IRAG1: variants seen among roughly 807,000 people sequenced by gnomAD.
IRAG1 encodes IP3R-associated cGMP kinase substrate.
IRAG1 carries 62 observed loss-of-function variants against 106.2 expected under a neutral mutation model. That is an observed-to-expected ratio of 0.58 (90% CI 0.48 to 0.72). The LOEUF is 0.72. Ranked by LOEUF, IRAG1 falls within the 30% of genes least tolerant of loss-of-function variation. IRAG1 has a pLI of 0.00. For synonymous variants in IRAG1, 462 were observed against 443.9 expected, an observed-to-expected ratio of 1.04 and a Z score of -0.51; for missense variants, 1,064 against 1,140.7, an observed-to-expected ratio of 0.93 and a Z score of 0.97.
At chr11:10,590,160 G>C (rs969605380) in intron 18 of IRAG1, among the ~76,000 whole-genome samples, 1 of 152,190 alleles carries the variant, frequency 6.6e-6, no homozygotes, top group African/African-American at 2.4e-5. Flanking sequence ...GAGATTCAGA[G>C]ACCCTGGATG....
At position 10,666,990 on chromosome 11, in the gene IRAG1, G is replaced by C. The variant is rs182518242; in HGVS notation, c.68-14808C>G. 8.0e-4 allele frequency among the ~76,000 whole-genome samples: 122 copies of C among 152,266 alleles called. 1 individual carries two copies. Among genetic ancestry groups the C allele is most frequent in the African/African-American group, 2.7e-3 (114 of 41,556 alleles). On this transcript the variant is annotated intron_variant, in intron 1 of 20. Transcript: ENST00000423302. ...CCCAGGGTAGCCCCCAGGCTCCTTA[G>C]GTCGGCTCAGACACCCCTCTTTCCT...
At chr11:10,679,708 C>T (rs1860990495) in intron 1 of IRAG1, among the ~76,000 whole-genome samples, 1 of 152,216 alleles carries the variant, frequency 6.6e-6, no homozygotes, top group South Asian at 2.1e-4. Context: ...AGTAGGAATA[C>T]CACTAACCAC....
chr11:10,640,653 T>C (rs1349875987), intron 2 of IRAG1, among the ~76,000 whole-genome samples: 1 of 152,202 alleles, frequency 6.6e-6, no homozygotes, highest in East Asian at 1.9e-4. Flanking sequence ...CAGATTTTCA[T>C]GCAGTGCACA....
At chr11:10,625,439 C>G (rs1239532796) in intron 9 of IRAG1, among the ~76,000 whole-genome samples, 2 of 152,196 alleles carry the variant, frequency 1.3e-5, no homozygotes, top group African/African-American at 4.8e-5. Context: ...TGAGGGGACA[C>G]CATGGGCACT....
At chr11:10,652,508 G>T in intron 1 of IRAG1, 1 of 414,158 alleles carries the variant, frequency 2.4e-6, no homozygotes, top group Non-Finnish European at 4.1e-6. Context: ...ATTGGCAGTT[G>T]TTTACCACTT....
Position 10,575,345 on chromosome 11 carries a change from C to T in IRAG1, c.*987G>A, listed in dbSNP as rs1211039434. ...TGAAGCAGAAAGCACATCTTCTCTC[C>T]TCATTCACCTGTGAGGTGGGTTAAC... On this transcript the variant is annotated 3_prime_UTR_variant, in exon 21 of 21. Coordinates refer to ENST00000423302, the MANE Select transcript of IRAG1 (RefSeq NM_130385.4). 6.6e-6 allele frequency: 1 copy of T among 152,236 alleles called. No homozygotes were observed. Among genetic ancestry groups the T allele is most frequent in the Non-Finnish European group, 1.5e-5 (1 of 68,050 alleles). The allele number at this position is 152,236 out of a possible 1,614,324, so 9.4% of individuals were successfully genotyped here.
At chr11:10,602,974 G>T in intron 14 of IRAG1, 146 bp downstream of exon 14, 1 of 944,494 alleles carries the variant, frequency 1.1e-6, no homozygotes, top group Non-Finnish European at 1.5e-6. Flanking sequence ...AAAATACTCT[G>T]AATAATACTG....
intron 1 of IRAG1, among the ~76,000 whole-genome samples, chr11:10,662,070 G>A (rs1426223510): frequency 1.3e-5 from 2 of 152,182 alleles, no homozygotes; most frequent in African/African-American, 4.8e-5. Flanking sequence ...TGTTTATTGA[G>A]TTAATAAATG....
chr11:10,653,853 G>A (rs544002745), intron 1 of IRAG1, among the ~76,000 whole-genome samples: 1 of 152,266 alleles, frequency 6.6e-6, no homozygotes, highest in Non-Finnish European at 1.5e-5. Context: ...TATTAGTGGG[G>A]TGGGCAATAC....
At chr11:10,616,933 C>G (rs1325741476) in intron 10 of IRAG1, 2 of 623,474 alleles carry the variant, frequency 3.2e-6, no homozygotes, top group Non-Finnish European at 4.0e-6. Context: ...TGTTTCTGAC[C>G]ATGTCAGGGA....
At chr11:10,673,674 G>T (rs2135128697) in intron 1 of IRAG1, among the ~76,000 whole-genome samples, 1 of 151,762 alleles carries the variant, frequency 6.6e-6, no homozygotes, top group Middle Eastern at 3.4e-3. Flanking sequence ...TAACAAAGCT[G>T]TTTAAAATTT....
At chr11:10,601,110 G>A (rs1046074732) in intron 14 of IRAG1, 51 bp from the exon 15 acceptor site, 67 of 1,606,906 alleles carry the variant, frequency 4.2e-5, no homozygotes, top group African/African-American at 2.1e-4. Context: ...GAAAGGCTCC[G>A]TTGGCACTTA....
At chr11:10,601,561 G>T in intron 14 of IRAG1, among the ~76,000 whole-genome samples, 1 of 152,198 alleles carries the variant, frequency 6.6e-6, no homozygotes. Flanking sequence ...AATAAACCAG[G>T]GCTGTCCAGA....
intron 1 of IRAG1, among the ~76,000 whole-genome samples, chr11:10,655,178 A>T (rs541566375): frequency 6.6e-6 from 1 of 152,310 alleles, no homozygotes; most frequent in East Asian, 1.9e-4. Flanking sequence ...AGGCTGTCTT[A>T]ACAGGGGCAT....
chr11:10,684,773 A>G (rs1283264137), intron 1 of IRAG1, among the ~76,000 whole-genome samples: 1 of 152,064 alleles, frequency 6.6e-6, no homozygotes, highest in Non-Finnish European at 1.5e-5. Flanking sequence ...AATAAATCCT[A>G]CTTTCTCTTA....
chr11:10,616,287 T>C (rs1855420934), intron 10 of IRAG1, among the ~76,000 whole-genome samples: 1 of 111,452 alleles, frequency 9.0e-6, no homozygotes. Flanking sequence ...TGAGACTCCA[T>C]CTCAAAAAAA....
chr11:10,676,360 A>G (rs76379257), intron 1 of IRAG1, among the ~76,000 whole-genome samples: 1,904 of 152,300 alleles, frequency 0.013, 41 homozygotes, highest in African/African-American at 0.043. Flanking sequence ...ATTTTCGCCC[A>G]TGCGGTCCCC....
chr11:10,687,887 G>C, intron 1 of IRAG1: 1 of 965,720 alleles, frequency 1.0e-6, no homozygotes, highest in Non-Finnish European at 1.4e-6. Context: ...GGGGGGGGGT[G>C]GTATTTAACT....
intron 20 of IRAG1, among the ~76,000 whole-genome samples, chr11:10,578,297 G>A (rs1195006156): frequency 6.6e-6 from 1 of 152,218 alleles, no homozygotes; most frequent in Non-Finnish European, 1.5e-5. Flanking sequence ...TTGAACAGCC[G>A]TTAGGAGAAA....
Sources: allele counts gnomAD v4.1 joint callset (sites outside exome capture counted in the v4.1 genomes callset), GRCh38; gene constraint gnomAD v4.1.1; transcripts MANE v1.5; gene names NCBI Gene and HGNC (gene_info 2026-07-23, HGNC 2026-07-21).